Variants in UGT3A1 observed in about 807,000 individuals in gnomAD.
The protein encoded by UGT3A1 is UDP-glycosyltransferase 3A1.
Under a neutral mutation model 37.6 loss-of-function variants are expected in UGT3A1, and 40 were observed. That is an observed-to-expected ratio of 1.06 (90% CI 0.83 to 1.38). The LOEUF (loss-of-function observed/expected upper bound fraction) is 1.38, where lower values mean the gene tolerates loss of function less well. Ranked by LOEUF, UGT3A1 falls within the 40% of genes most tolerant of loss-of-function variation. UGT3A1 has a pLI of 0.00. For missense variants in UGT3A1, 642 were observed against 634.2 expected (o/e 1.01, Z -0.13); for synonymous variants, 256 against 232.3 (o/e 1.10, Z -0.93).
At chr5:35,988,400 C>T in intron 2 of UGT3A1, 50 bp downstream of exon 2, 1 of 1,357,216 alleles carries the variant, frequency 7.4e-7, no homozygotes, top group Non-Finnish European at 1.0e-6. Flanking sequence ...TATATTATCA[C>T]TTTTTGCTTA....
At chr5:35,965,950 G>A in intron 3 of UGT3A1, 33 bp from the exon 4 acceptor site, 2 of 1,436,234 alleles carry the variant, frequency 1.4e-6, no homozygotes, top group Non-Finnish European at 1.8e-6. Context: ...TAAATATTTG[G>A]GAAAGTGTAA....
chr5:35,994,458 A>G (rs2111579069), upstream of UGT3A1, among the ~76,000 whole-genome samples: 1 of 152,084 alleles, frequency 6.6e-6, no homozygotes, highest in East Asian at 1.9e-4. Context: ...AAAAACAAAT[A>G]GGAGCACCTT....
chr5:35,962,496 T>A lies in UGT3A1; in HGVS notation c.843+2890A>T, dbSNP rs551613270. The A allele has an allele frequency of 1.2e-3, 208 of 170,772 alleles. 1 individual carries two copies. The highest frequency in any genetic ancestry group is 8.7e-3 in the Middle Eastern group (3 of 346). 10.6% of individuals were successfully genotyped at this position (170,772 alleles called of 1,614,324 possible). On this transcript the variant is annotated intron_variant, in intron 4 of 6. Coordinates refer to ENST00000274278, the MANE Select transcript of UGT3A1 (RefSeq NM_152404.4). ...AGCAGAGCTGGAGGGAGCTGGCTTC[T>A]CTGCTGGGAGTGCCTCTGGGATTTG...
chr5:35,991,221 AGC>A lies in UGT3A1; in HGVS notation c.18_19del (p.Leu7AlafsTer45). ...AGAAAGAAGGAAGGCCACTAGAAGC[AGC>A]ACCCGCTGCCCAACCATGCTCACTT... On this transcript the variant is annotated frameshift_variant, in exon 1 of 7. Coordinates refer to ENST00000274278, the MANE Select transcript of UGT3A1 (RefSeq NM_152404.4). LOFTEE classifies it high-confidence loss of function. 1 of 1,614,254 alleles carries A rather than the reference AGC, an allele frequency of 6.2e-7. No homozygotes were observed. Among genetic ancestry groups the A allele is most frequent in the African/African-American group, 1.3e-5 (1 of 75,082 alleles).
intron 4 of UGT3A1, among the ~76,000 whole-genome samples, chr5:35,964,563 G>A (rs1739720424): frequency 6.6e-6 from 1 of 152,140 alleles, no homozygotes; most frequent in Non-Finnish European, 1.5e-5. Flanking sequence ...GGAAAGTCCA[G>A]GCCAAATCCA....
chr5:35,990,560 T>A (rs1740903239), intron 1 of UGT3A1, among the ~76,000 whole-genome samples: 1 of 152,162 alleles, frequency 6.6e-6, no homozygotes, highest in Non-Finnish European at 1.5e-5. Flanking sequence ...AAGATCCGAA[T>A]GACCTGGGTT....
chr5:35,989,221 T>TATAG (rs1207759457), intron 1 of UGT3A1, among the ~76,000 whole-genome samples: 1 of 152,248 alleles, frequency 6.6e-6, no homozygotes, highest in Non-Finnish European at 1.5e-5. Flanking sequence ...GGGGTGGGCC[T>TATAG]ATAGATCCTG....
At chr5:35,995,356 C>T (rs1480513915), upstream of UGT3A1, among the ~76,000 whole-genome samples, 1 of 152,212 alleles carries the variant, frequency 6.6e-6, no homozygotes, top group Non-Finnish European at 1.5e-5. Flanking sequence ...AGGGACATCT[C>T]TCATGATCGC....
intron 2 of UGT3A1, among the ~76,000 whole-genome samples, chr5:35,980,302 C>A (rs571418918): frequency 6.6e-6 from 1 of 152,258 alleles, no homozygotes; most frequent in South Asian, 2.1e-4. Context: ...ATACTGGACA[C>A]CAGTCAGTGC....
chr5:35,962,266 G>T lies in UGT3A1; in HGVS notation c.843+3120C>A, dbSNP rs76882742. The T allele has an allele frequency of 9.4e-3, 1,440 of 152,504 alleles. 21 individuals are homozygous for T. Among genetic ancestry groups the T allele is most frequent in the African/African-American group, 0.033 (1,373 of 41,536 alleles). 9.4% of individuals were successfully genotyped at this position (152,504 alleles called of 1,614,324 possible). A position where few individuals can be genotyped will look rare whatever the true frequency, so the allele number is the denominator to read the frequency against. On this transcript the variant is annotated intron_variant, in intron 4 of 6. Transcript: ENST00000274278. ...GGAAAGCCTCTATCTATCTGTCAGG[G>T]TCATGTGAAAACTTGCCAAAAATCC...
rs775346340 is a variant in UGT3A1, at chr5:35,991,161, G to A, written c.80C>T (p.Thr27Ile). 4 of 1,614,200 alleles carry A rather than the reference G, an allele frequency of 2.5e-6. No individual in the cohort carries two copies. The highest frequency in any genetic ancestry group is 3.4e-6 in the Non-Finnish European group (4 of 1,180,042). The change falls in exon 1 of 7, where the codon ACA becomes ATA. Residue 27 changes from threonine (T) to isoleucine (I), a missense_variant. Physicochemically the swap from Thr to Ile is moderately conservative, Grantham distance 89. Transcript: ENST00000274278. Reference protein sequence around the residue: ...VLLSEAAKILTISTLGGSHYL... With the variant: ...VLLSEAAKILIISTLGGSHYL... ...CAAGCACTCACCCAGTGTAGATATTGTCAGGATTTTGGCAGCCTCTGAGAG... is the reference window on the plus strand; with the variant it reads ...CAAGCACTCACCCAGTGTAGATATTATCAGGATTTTGGCAGCCTCTGAGAG...
chr5:35,955,342 A>AC (rs1325410315), intron 6 of UGT3A1: 2 of 557,300 alleles, frequency 3.6e-6, no homozygotes, highest in East Asian at 5.9e-5. Flanking sequence ...ACACAAAGAA[A>AC]CCCCCCGCTT....
At chr5:35,995,773 C>G (rs576251983), upstream of UGT3A1, among the ~76,000 whole-genome samples, 4 of 152,058 alleles carry the variant, frequency 2.6e-5, no homozygotes, top group Non-Finnish European at 5.9e-5. Context: ...GAATAAAATC[C>G]AACAATGCTG....
chr5:35,991,942 T>C (rs1321338960), upstream of UGT3A1, among the ~76,000 whole-genome samples: 1 of 152,194 alleles, frequency 6.6e-6, no homozygotes, highest in Admixed American at 6.5e-5. Flanking sequence ...TATCATAAAA[T>C]AGAACTAGGG....
At chr5:35,984,518 G>A (rs1234934807) in intron 2 of UGT3A1, among the ~76,000 whole-genome samples, 1 of 146,248 alleles carries the variant, frequency 6.8e-6, no homozygotes, top group South Asian at 2.2e-4. Flanking sequence ...TATCACCCAG[G>A]CTGGAGTGCA....
chr5:35,988,395 T>C (rs532168925), intron 2 of UGT3A1, 55 bp downstream of exon 2: 2 of 1,299,584 alleles, frequency 1.5e-6, no homozygotes, highest in East Asian at 5.1e-5. Context: ...AAAAATATAT[T>C]ATCACTTTTT....
Position 35,991,293 on chromosome 5 carries a change from G to T in UGT3A1, c.-53C>A. 4 of 1,610,862 alleles carry T rather than the reference G, an allele frequency of 2.5e-6. No homozygotes were observed. The highest frequency in any genetic ancestry group is 3.4e-6 in the Non-Finnish European group (4 of 1,178,164). On this transcript the variant is annotated 5_prime_UTR_variant, in exon 1 of 7. Transcript: ENST00000274278. Reference sequence around the variant, plus strand: ...CAGCCTGGGCTGCGCGCCCTGCGCCGGGCTAAGGACTCTGTGCGCGCCTCA... The same window carrying T: ...CAGCCTGGGCTGCGCGCCCTGCGCCTGGCTAAGGACTCTGTGCGCGCCTCA...
intron 2 of UGT3A1, among the ~76,000 whole-genome samples, chr5:35,987,027 T>C (rs1234982017): frequency 6.6e-6 from 1 of 152,094 alleles, no homozygotes; most frequent in African/African-American, 2.4e-5. Context: ...TGTTCTCCTT[T>C]AGGCTGCTAT....
chr5:35,991,960 G>T (rs1387116084), upstream of UGT3A1, among the ~76,000 whole-genome samples: 1 of 152,190 alleles, frequency 6.6e-6, no homozygotes, highest in African/African-American at 2.4e-5. Context: ...GGGATATTTT[G>T]ATAATCTCCC....
Sources: gnomAD v4.1 joint callset for allele counts (sites outside exome capture counted in the v4.1 genomes callset) on GRCh38, gnomAD v4.1.1 for gene constraint, MANE v1.5 for transcripts, NCBI Gene and HGNC (gene_info 2026-07-23, HGNC 2026-07-21) for gene names.